The following TMEM38B variants were observed in gnomAD, a reference collection of about 807,000 sequenced individuals.
The protein encoded by TMEM38B is transmembrane protein 38B.
In TMEM38B, 24 loss-of-function variants were observed where a neutral mutation model predicts 28.7. The observed-to-expected ratio is 0.84, with a 90% CI of 0.61 to 1.18. TMEM38B has a LOEUF of 1.18. TMEM38B is among the 50% of genes most tolerant of loss of function. The pLI, the probability that TMEM38B is intolerant of heterozygous loss-of-function variation, is 0.00. For missense variants in TMEM38B, 380 were observed against 350.9 expected, an observed-to-expected ratio of 1.08 and a Z score of -0.66; for synonymous variants, 131 against 127.7, an observed-to-expected ratio of 1.03 and a Z score of -0.17.
intron 4 of TMEM38B, among the ~76,000 whole-genome samples, chr9:105,740,029 C>T (rs1195257459): frequency 6.6e-6 from 1 of 150,830 alleles, no homozygotes; most frequent in East Asian, 2.0e-4. Context: ...ATTACAGGTG[C>T]ACACCACCAT....
chr9:105,737,452 A>G (rs1338223329), intron 4 of TMEM38B, among the ~76,000 whole-genome samples: 1 of 152,154 alleles, frequency 6.6e-6, no homozygotes, highest in South Asian at 2.1e-4. Flanking sequence ...CAGAGGCCCA[A>G]GTTTTGTCAG....
At chr9:105,733,086 G>A (rs184643725) in intron 4 of TMEM38B, among the ~76,000 whole-genome samples, 54 of 152,300 alleles carry the variant, frequency 3.5e-4, no homozygotes, top group Non-Finnish European at 2.9e-4. Flanking sequence ...TGATTGTACT[G>A]TGGTCTGAGA....
chr9:105,697,007 T>C (rs1835311667), intron 1 of TMEM38B, among the ~76,000 whole-genome samples: 1 of 152,246 alleles, frequency 6.6e-6, no homozygotes. Flanking sequence ...TTGATACTTG[T>C]AGCCAACATA....
chr9:105,712,378 T>TA (rs1207890174), intron 2 of TMEM38B, among the ~76,000 whole-genome samples: 2 of 152,190 alleles, frequency 1.3e-5, no homozygotes, highest in East Asian at 1.9e-4. Flanking sequence ...TTAAGCTTTT[T>TA]AAAAAAATGG....
At chr9:105,731,028 T>C (rs1046673278) in intron 4 of TMEM38B, among the ~76,000 whole-genome samples, 2 of 152,176 alleles carry the variant, frequency 1.3e-5, no homozygotes, top group African/African-American at 2.4e-5. Flanking sequence ...CCTGGATTCA[T>C]TGATTTTTTG....
chr9:105,710,282 C>T (rs1359296096), intron 2 of TMEM38B: 5 of 637,816 alleles, frequency 7.8e-6, no homozygotes, highest in Non-Finnish European at 1.4e-5. Flanking sequence ...ATTCCAGCTA[C>T]AGTTTGGTCT....
chr9:105,772,580 TG>T (rs1206726460), intron 5 of TMEM38B, among the ~76,000 whole-genome samples: 1 of 152,200 alleles, frequency 6.6e-6, no homozygotes, highest in Non-Finnish European at 1.5e-5. Flanking sequence ...TTCTGTCTTT[TG>T]TTGATTTTGG....
intron 1 of TMEM38B, among the ~76,000 whole-genome samples, chr9:105,695,801 T>C (rs1440106286): frequency 6.6e-6 from 1 of 152,248 alleles, no homozygotes; most frequent in East Asian, 1.9e-4. Context: ...TTTTCATTTA[T>C]GTTGAAGTTT....
At chr9:105,749,971 A>G (rs1024929597) in intron 5 of TMEM38B, among the ~76,000 whole-genome samples, 1 of 152,162 alleles carries the variant, frequency 6.6e-6, no homozygotes, top group Non-Finnish European at 1.5e-5. Context: ...TTATCTTTTT[A>G]TATTCCCACC....
At chr9:105,696,348 C>T (rs1388105900) in intron 1 of TMEM38B, among the ~76,000 whole-genome samples, 3 of 152,070 alleles carry the variant, frequency 2.0e-5, no homozygotes, top group Admixed American at 2.0e-4. Flanking sequence ...TGCAGTGGCG[C>T]GATCTCGGCT....
At chr9:105,748,360 T>G (rs1440710461) in intron 5 of TMEM38B, among the ~76,000 whole-genome samples, 170 bp downstream of exon 5, 1 of 152,160 alleles carries the variant, frequency 6.6e-6, no homozygotes, top group Non-Finnish European at 1.5e-5. Context: ...AAACTTAGCT[T>G]TTCTGTGATT....
chr9:105,710,502 G>C, intron 2 of TMEM38B: 1 of 1,335,984 alleles, frequency 7.5e-7, no homozygotes, highest in South Asian at 1.2e-5. Flanking sequence ...ATCTGATTTG[G>C]TGTCTTCCGA....
At chr9:105,726,155 T>C (rs1836503827) in intron 4 of TMEM38B, among the ~76,000 whole-genome samples, 1 of 152,156 alleles carries the variant, frequency 6.6e-6, no homozygotes, top group Non-Finnish European at 1.5e-5. Context: ...TTCTACTCTT[T>C]TAGTTATTTT....
At chr9:105,751,607 A>G (rs1169213844) in intron 5 of TMEM38B, among the ~76,000 whole-genome samples, 1 of 152,232 alleles carries the variant, frequency 6.6e-6, no homozygotes, top group East Asian at 1.9e-4. Flanking sequence ...CCCCACTTCC[A>G]TGGCATCTCA....
chr9:105,762,423 A>C (rs2133641412), intron 5 of TMEM38B, among the ~76,000 whole-genome samples: 2 of 109,506 alleles, frequency 1.8e-5, no homozygotes, highest in Admixed American at 1.1e-4. Context: ...CCACCCCACA[A>C]CAGTCCCCAG....
At chr9:105,736,437 A>G (rs1206951989) in intron 4 of TMEM38B, among the ~76,000 whole-genome samples, 1 of 151,388 alleles carries the variant, frequency 6.6e-6, no homozygotes, top group Non-Finnish European at 1.5e-5. Flanking sequence ...CAGCTCCAAG[A>G]TTTTTGATTG....
rs112136136 is a variant in TMEM38B at position 105,700,840 on chromosome 9, T to A, written c.113-4757T>A. 201 of 152,230 alleles carry A rather than the reference T, an allele frequency of 1.3e-3. 1 individual carries two copies. Among genetic ancestry groups the A allele is most frequent in the African/African-American group, 4.6e-3 (192 of 41,558 alleles). The allele number at this position is 152,230 out of a possible 1,614,324, so 9.4% of individuals were successfully genotyped here. A position where few individuals can be genotyped will look rare whatever the true frequency, so the allele number is the denominator to read the frequency against. ...GGGAAAAGTGCAAAAGTCATAAATG[T>A]ACAGCTCAGTGGATTTTCAAACACA... On this transcript the variant is annotated intron_variant, in intron 1 of 5. Coordinates refer to ENST00000374692, the MANE Select transcript of TMEM38B (RefSeq NM_018112.3).
intron 4 of TMEM38B, among the ~76,000 whole-genome samples, chr9:105,728,141 G>A (rs551877634): frequency 4.6e-5 from 7 of 152,108 alleles, no homozygotes; most frequent in African/African-American, 1.4e-4. Context: ...TGTGTACAAC[G>A]TGCAGGTTTG....
intron 4 of TMEM38B, among the ~76,000 whole-genome samples, chr9:105,731,769 G>A (rs150913754): frequency 1.3e-5 from 2 of 152,204 alleles, no homozygotes; most frequent in South Asian, 2.1e-4. Flanking sequence ...ATAAACATAC[G>A]TGTGTATGTG....
Sources: allele counts gnomAD v4.1 joint callset (sites outside exome capture counted in the v4.1 genomes callset), GRCh38; gene constraint gnomAD v4.1.1; transcripts MANE v1.5; gene names NCBI Gene and HGNC (gene_info 2026-07-23, HGNC 2026-07-21).